Variants in PCDHGB3 observed in about 807,000 individuals in gnomAD.
PCDHGB3 encodes the protein protocadherin gamma subfamily B, 3, also known as protocadherin gamma-B3.
Under a neutral mutation model 59.2 loss-of-function variants are expected in PCDHGB3, and 40 were observed. The observed-to-expected ratio is 0.68, with a 90% CI of 0.52 to 0.88. PCDHGB3 has a LOEUF of 0.88. PCDHGB3 is among the 40% of genes least tolerant of loss of function. The probability of loss-of-function intolerance (pLI) is 0.00; values close to 1 mark genes in which losing one functional copy is unlikely to be tolerated. For missense variants in PCDHGB3, 1,309 were observed against 1,187.9 expected (o/e 1.10, Z -1.50); for synonymous variants, 581 against 503.6 (o/e 1.15, Z -2.06).
intron 1 of PCDHGB3, chr5:141,388,948 T>A (rs751779962): frequency 1.9e-6 from 3 of 1,614,022 alleles, no homozygotes; most frequent in Non-Finnish European, 2.5e-6. Context: ...AACCTAATTA[T>A]GGAGGACGCC....
chr5:141,505,883 T>C (rs1225759976), intron 3 of PCDHGB3, among the ~76,000 whole-genome samples: 1 of 152,118 alleles, frequency 6.6e-6, no homozygotes, highest in East Asian at 1.9e-4. Flanking sequence ...GTTGTAGAGA[T>C]TAAATGAGAT....
chr5:141,500,189 TTTATTTATTTATTTATTTA>T (rs2099797567), intron 2 of PCDHGB3, among the ~76,000 whole-genome samples: 1 of 110,894 alleles, frequency 9.0e-6, no homozygotes, highest in Non-Finnish European at 1.8e-5. Flanking sequence ...TTTATTTTTA[TTTATTTATTTATTTATTTA>T]TTTATTTATT....
In PCDHGB3 at chr5:141,431,468, G is replaced by C. The variant is rs756718016; in HGVS notation, c.2415+58659G>C. 4 of 1,613,804 alleles carry C rather than the reference G, an allele frequency of 2.5e-6. No homozygotes were observed. Among genetic ancestry groups the C allele is most frequent in the Non-Finnish European group, 3.4e-6 (4 of 1,179,964 alleles). On this transcript the variant is annotated intron_variant, in intron 1 of 3. Coordinates refer to ENST00000576222, the MANE Select transcript of PCDHGB3 (RefSeq NM_018924.5). The surrounding 1 kb of genome is among the most constrained non-coding windows in gnomAD (Gnocchi z 4.8). Reference sequence around the variant, plus strand: ...CCGCGTGATGGTTCTGGATGCGAACGACAACGCACCAGCGTTTGCTCAGCC... The same window carrying C: ...CCGCGTGATGGTTCTGGATGCGAACCACAACGCACCAGCGTTTGCTCAGCC...
chr5:141,431,868 A>G lies in PCDHGB3; in HGVS notation c.2415+59059A>G, dbSNP rs755283039. On this transcript the variant is annotated intron_variant, in intron 1 of 3. Coordinates refer to ENST00000576222, the MANE Select transcript of PCDHGB3 (RefSeq NM_018924.5). This position sits in a 1 kb window ranked among gnomAD's most constrained non-coding sequence, Gnocchi z 4.8. ...AGAGGGACATTAATTGCCCTTTTAAATGTAAATGACCAAGATTCTGAGGAA... is the reference window on the plus strand; with the variant it reads ...AGAGGGACATTAATTGCCCTTTTAAGTGTAAATGACCAAGATTCTGAGGAA... 4.3e-6 allele frequency: 7 copies of G among 1,614,102 alleles called. No individual in the cohort carries two copies. In the South Asian group the frequency reaches 6.6e-5, roughly 15 times the overall value.
At chr5:141,373,805 G>T in intron 1 of PCDHGB3, 1 of 337,732 alleles carries the variant, frequency 3.0e-6, no homozygotes, top group Non-Finnish European at 5.3e-6. Context: ...TCCTCTGTGT[G>T]ATAGTTTCAC....
intron 1 of PCDHGB3, chr5:141,427,797 G>A (rs1194658203): frequency 6.0e-6 from 9 of 1,505,188 alleles, no homozygotes; most frequent in Admixed American, 3.4e-5. Context: ...CTACGTGTCC[G>A]TGAGCGCACA....
At chr5:141,453,652 T>C (rs1302902554) in intron 1 of PCDHGB3, among the ~76,000 whole-genome samples, 1 of 152,252 alleles carries the variant, frequency 6.6e-6, no homozygotes, top group Non-Finnish European at 1.5e-5. Context: ...TTATGTCCTC[T>C]TCTTTCTTAC....
intron 1 of PCDHGB3, among the ~76,000 whole-genome samples, chr5:141,433,752 G>A (rs975941520): frequency 6.6e-6 from 1 of 151,206 alleles, no homozygotes; most frequent in Non-Finnish European, 1.5e-5. Context: ...CAGGAGAATT[G>A]CTTTAACCTG....
At position 141,511,519 on chromosome 5, in the gene PCDHGB3, C is replaced by A; in HGVS notation, c.*346C>A. On this transcript the variant is annotated 3_prime_UTR_variant, in exon 4 of 4. Transcript: ENST00000576222. ...CCAAATCAATCAGGCCCATCCATCC[C>A]ATGCCTCCCTCCTCCCCACCCCACT... 2.7e-6 allele frequency: 1 copy of A among 367,516 alleles called. No individual in the cohort carries two copies. The highest frequency in any genetic ancestry group is 2.7e-5 in the South Asian group (1 of 36,848). 22.8% of individuals were successfully genotyped at this position (367,516 alleles called of 1,614,324 possible). A position where few individuals can be genotyped will look rare whatever the true frequency, so the allele number is the denominator to read the frequency against.
intron 2 of PCDHGB3, among the ~76,000 whole-genome samples, chr5:141,503,295 T>C (rs567706089): frequency 6.6e-6 from 1 of 152,070 alleles, no homozygotes; most frequent in Non-Finnish European, 1.5e-5. Context: ...TACATAGAAA[T>C]TGCTCAAGAA....
Position 141,409,996 on chromosome 5 carries a change from G to C in PCDHGB3, c.2415+37187G>C, listed in dbSNP as rs1561724976. 8.7e-6 allele frequency: 14 copies of C among 1,613,014 alleles called. No homozygotes were observed. The Admixed American group carries it at 1.8e-4, about 21-fold the overall frequency. On this transcript the variant is annotated intron_variant, in intron 1 of 3. Transcript: ENST00000576222. ...AGGTGGTAGCGGTGGACGCCGACTC[G>C]GGACACAACGCCTGGCTGTCCTACC...
At chr5:141,500,469 AAAG>A (rs1479386829) in intron 2 of PCDHGB3, among the ~76,000 whole-genome samples, 1 of 152,052 alleles carries the variant, frequency 6.6e-6, no homozygotes, top group Non-Finnish European at 1.5e-5. Context: ...TCGGCCTCCC[AAAG>A]TGCTGGGATT....
At chr5:141,452,528 A>T (rs1592223895) in intron 1 of PCDHGB3, among the ~76,000 whole-genome samples, 1 of 152,206 alleles carries the variant, frequency 6.6e-6, no homozygotes, top group African/African-American at 2.4e-5. Flanking sequence ...CAAAATCGTG[A>T]GTTCATATTG....
At chr5:141,399,111 A>C (rs1561667842) in intron 1 of PCDHGB3, 1 of 1,613,732 alleles carries the variant, frequency 6.2e-7, no homozygotes, top group Non-Finnish European at 8.5e-7. Context: ...CACAATGTAC[A>C]GTTGAAATTA....
chr5:141,428,177 G>A lies in PCDHGB3; in HGVS notation c.2415+55368G>A, dbSNP rs754811645. The A allele has an allele frequency of 1.4e-5, 21 of 1,510,058 alleles. 1 individual carries two copies. The South Asian group carries it at 1.7e-4, about 12-fold the overall frequency. The allele number at this position is 1,510,058 out of a possible 1,614,324, so 93.5% of individuals were successfully genotyped here. ...CCTGCTGGTTGCTGTGCGTGACGGA[G>A]GACAGCCGCCGCTCTCTGCGCCGCT... On this transcript the variant is annotated intron_variant, in intron 1 of 3. Coordinates refer to ENST00000576222, the MANE Select transcript of PCDHGB3 (RefSeq NM_018924.5).
intron 1 of PCDHGB3, among the ~76,000 whole-genome samples, chr5:141,465,219 C>A (rs1272266733): frequency 6.6e-6 from 1 of 152,004 alleles, no homozygotes; most frequent in Non-Finnish European, 1.5e-5. Context: ...TATTTTTCAA[C>A]ATGAGCTCCA....
intron 1 of PCDHGB3, chr5:141,405,481 G>A: frequency 2.0e-6 from 2 of 992,130 alleles, no homozygotes; most frequent in Middle Eastern, 2.6e-4. Context: ...ATGCAGTGGT[G>A]TGATCTCGGC....
chr5:141,402,642 A>C (rs1236156893), intron 1 of PCDHGB3, among the ~76,000 whole-genome samples: 2 of 152,240 alleles, frequency 1.3e-5, no homozygotes, highest in Non-Finnish European at 2.9e-5. Flanking sequence ...TAAAATCATA[A>C]TTAGAAGAGA....
Position 141,432,208 on chromosome 5 carries a change from G to A in PCDHGB3, c.2415+59399G>A, listed in dbSNP as rs150518735. The A allele has an allele frequency of 3.4e-5, 55 of 1,614,196 alleles. No individual in the cohort carries two copies. In the Middle Eastern group the frequency reaches 8.2e-4, roughly 24 times the overall value. Reference sequence around the variant, plus strand: ...CCGCCCACGACCCCGACTGTGAAGAGAACGCCCAGATCACTTATTCCCTGG... The same window carrying A: ...CCGCCCACGACCCCGACTGTGAAGAAAACGCCCAGATCACTTATTCCCTGG... On this transcript the variant is annotated intron_variant, in intron 1 of 3. Transcript: ENST00000576222. The surrounding 1 kb of genome is among the most constrained non-coding windows in gnomAD (Gnocchi z 6.0).
Sources: allele counts gnomAD v4.1 joint callset (sites outside exome capture counted in the v4.1 genomes callset), GRCh38; gene constraint gnomAD v4.1.1; non-coding constraint Gnocchi (gnomAD v3.1); transcripts MANE v1.5; gene names NCBI Gene and HGNC (gene_info 2026-07-23, HGNC 2026-07-21).